RNF214: variants seen among roughly 807,000 people sequenced by gnomAD.
RNF214 encodes the protein ring finger protein 214.
A neutral mutation model predicts 75.9 loss-of-function variants in RNF214; 25 were observed. The ratio of observed to expected loss-of-function variants is 0.33; its 90% confidence interval spans 0.24 to 0.46. The LOEUF (loss-of-function observed/expected upper bound fraction) is 0.46. Ranked by LOEUF, RNF214 falls within the 20% of genes least tolerant of loss-of-function variation. The pLI is 1.00. For synonymous variants in RNF214, 314 were observed against 308.8 expected (o/e 1.02, Z -0.18); for missense variants, 725 against 857.5 (o/e 0.85, Z 1.93).
intron 6 of RNF214, chr11:117,263,973 G>A: frequency 5.7e-6 from 1 of 175,212 alleles, no homozygotes; most frequent in South Asian, 1.2e-4. Flanking sequence ...ATGTTTTTCA[G>A]GTGATAAGTG....
chr11:117,261,549 CAGCTTGGGCAACAG>C (rs1263068661), intron 6 of RNF214, among the ~76,000 whole-genome samples: 1 of 152,208 alleles, frequency 6.6e-6, no homozygotes, highest in Non-Finnish European at 1.5e-5. Flanking sequence ...CACTGCACTT[CAGCTTGGGCAACAG>C]AGCAAGACTC....
rs756316377 is a variant in RNF214, at chr11:117,282,064, C to A, written c.1506C>A (p.Pro502=). ...ALSQPSQPSS[P]LPGSHGRNSP... is the part of the protein sequence containing the mutation. ...CCCAGCCCAGCCAGCCTTCCTCACCCCTTCCTGGCTCCCATGGCAGAAATA... is the reference window on the plus strand; with the variant it reads ...CCCAGCCCAGCCAGCCTTCCTCACCACTTCCTGGCTCCCATGGCAGAAATA... The change falls in exon 11 of 15, where the codon CCC becomes CCA. Residue 502 remains proline (P), a synonymous_variant. Transcript: ENST00000300650. The A allele has an allele frequency of 6.8e-6, 11 of 1,614,144 alleles. No individual in the cohort carries two copies.
intron 14 of RNF214, 134 bp downstream of exon 14, chr11:117,283,344 C>G (rs918076939): frequency 3.1e-6 from 2 of 647,478 alleles, no homozygotes; most frequent in Non-Finnish European, 5.5e-6. Context: ...TGGTGCTCAT[C>G]ATTAATATCT....
chr11:117,258,801 G>A (rs12146609), intron 6 of RNF214, among the ~76,000 whole-genome samples: 1,600 of 152,244 alleles, frequency 0.011, 10 homozygotes, highest in Middle Eastern at 0.051. Flanking sequence ...AACCATTGTT[G>A]TGGTTTTTTA....
chr11:117,242,713 C>T (rs1339959333), intron 4 of RNF214, among the ~76,000 whole-genome samples: 3 of 152,130 alleles, frequency 2.0e-5, no homozygotes, highest in South Asian at 2.1e-4. Context: ...ATTAGCCGAA[C>T]GTGGTGGCGG....
At position 117,239,063 on chromosome 11, in the gene RNF214, T is replaced by A; in HGVS notation, c.570T>A (p.Asp190Glu). Residue 190 changes from aspartate to glutamate, a missense_variant, in exon 3 of 15, where the codon GAT becomes GAA. By Grantham distance (45) the Asp-to-Glu change is conservative (BLOSUM62 2). Transcript: ENST00000300650. ...AAGGAGTCCGAGTGGATCAGGATGA[T>A]GATCAAGATAGCTCTTCCCTGAAGC... ...GVEGVRVDQDDDQDSSSLKLS... is the reference protein window; with the variant it reads ...GVEGVRVDQDEDQDSSSLKLS... 1 of 1,614,016 alleles carries A rather than the reference T, an allele frequency of 6.2e-7. No homozygotes were observed. Among genetic ancestry groups the A allele is most frequent in the Non-Finnish European group, 8.5e-7 (1 of 1,179,994 alleles).
chr11:117,285,065 T>A, intron 14 of RNF214, 21 bp from the exon 15 acceptor site: 1 of 1,566,820 alleles, frequency 6.4e-7, no homozygotes, highest in African/African-American at 1.3e-5. Context: ...AAACCTGAGG[T>A]GTGTCTTTCT....
intron 6 of RNF214, among the ~76,000 whole-genome samples, chr11:117,266,571 G>C (rs1260093976): frequency 6.6e-6 from 1 of 152,060 alleles, no homozygotes; most frequent in Non-Finnish European, 1.5e-5. Flanking sequence ...TGTCGCCCAG[G>C]CTGGTCTCGA....
rs569224097 is a variant in RNF214 at position 117,245,117 on chromosome 11, G to A, written c.819+532G>A. On this transcript the variant is annotated intron_variant, in intron 5 of 14. Coordinates refer to ENST00000300650, the MANE Select transcript of RNF214 (RefSeq NM_207343.4). ...GTGGATCAGTTGGGTCCAGGAGTTC[G>A]AACCAGCCTGGGCAACATGGCAAAA... Among the ~76,000 whole-genome samples the A allele has an allele frequency of 4.5e-4, 68 of 150,206 alleles. 2 individuals are homozygous for A. In the South Asian group the frequency reaches 0.013, roughly 29 times the overall value.
At chr11:117,247,712 G>A (rs138378173) in intron 6 of RNF214, among the ~76,000 whole-genome samples, 1,573 of 152,054 alleles carry the variant, frequency 0.01, 13 homozygotes, top group Non-Finnish European at 0.017. Flanking sequence ...TTAGCCAGGC[G>A]TGGCGGCGTG....
chr11:117,250,558 T>C lies in RNF214; in HGVS notation c.959+3610T>C, dbSNP rs148384578. On this transcript the variant is annotated intron_variant, in intron 6 of 14. Transcript: ENST00000300650. ...AAAAAAAATGCAACAACTGGTAAAT[T>C]TAGATGACAGGTAGACATTCATTTT... 2.6e-3 allele frequency among the ~76,000 whole-genome samples: 390 copies of C among 151,946 alleles called. 12 individuals carry two copies. In the South Asian group the frequency reaches 0.05, roughly 19 times the overall value.
chr11:117,259,086 A>G (rs1410744343), intron 6 of RNF214, among the ~76,000 whole-genome samples: 1 of 152,088 alleles, frequency 6.6e-6, no homozygotes, highest in African/African-American at 2.4e-5. Flanking sequence ...CCTTTCGAAT[A>G]GCTGGGATTA....
intron 6 of RNF214, among the ~76,000 whole-genome samples, chr11:117,271,759 G>A (rs1326593336): frequency 5.3e-5 from 8 of 152,202 alleles, no homozygotes; most frequent in Non-Finnish European, 1.2e-4. Context: ...GGTTGGAATG[G>A]TGATTAGAAA....
At chr11:117,266,917 C>T (rs2509211) in intron 6 of RNF214, among the ~76,000 whole-genome samples, 89,482 of 128,212 alleles carry the variant, frequency 0.7, 32,672 homozygotes, top group East Asian at 0.95. Flanking sequence ...TGCAATGGCA[C>T]GATCTCGGCT....
At chr11:117,236,180 T>G (rs1243697964) in intron 2 of RNF214, among the ~76,000 whole-genome samples, 1 of 151,972 alleles carries the variant, frequency 6.6e-6, no homozygotes, top group Non-Finnish European at 1.5e-5. Flanking sequence ...AGACTGGTCT[T>G]GAACTCCTGA....
intron 6 of RNF214, among the ~76,000 whole-genome samples, chr11:117,264,646 T>C (rs1478901888): frequency 6.6e-6 from 1 of 152,194 alleles, no homozygotes; most frequent in East Asian, 1.9e-4. Context: ...CTCTTTATAT[T>C]ACAGTTTACT....
intron 8 of RNF214, 43 bp from the exon 9 acceptor site, chr11:117,281,270 AG>A (rs1467668483): frequency 7.2e-7 from 1 of 1,391,770 alleles, no homozygotes; most frequent in South Asian, 1.2e-5. Flanking sequence ...TGTTCCTAGC[AG>A]GGCTTTCTTT....
At chr11:117,240,184 G>C (rs761082881) in intron 4 of RNF214, among the ~76,000 whole-genome samples, 12 of 150,980 alleles carry the variant, frequency 7.9e-5, no homozygotes, top group Non-Finnish European at 1.6e-4. Context: ...GAAACACCAT[G>C]TCTACAAAAA....
At chr11:117,256,784 CAG>C (rs1419408844) in intron 6 of RNF214, among the ~76,000 whole-genome samples, 2 of 152,154 alleles carry the variant, frequency 1.3e-5, no homozygotes, top group African/African-American at 4.8e-5. Context: ...AAGGACTACA[CAG>C]AATGTGATCA....
Sources: gnomAD v4.1 joint callset for allele counts (sites outside exome capture counted in the v4.1 genomes callset) on GRCh38, gnomAD v4.1.1 for gene constraint, MANE v1.5 for transcripts, NCBI Gene and HGNC (gene_info 2026-07-23, HGNC 2026-07-21) for gene names.